The following RCSD1 variants were observed in gnomAD, a reference collection of about 807,000 sequenced individuals.
RCSD1 encodes RCSD domain containing 1, also known as capZ-interacting protein.
RCSD1 carries 26 observed loss-of-function variants against 42.5 expected under a neutral mutation model. The ratio of observed to expected loss-of-function variants is 0.61; its 90% CI spans 0.45 to 0.85. The LOEUF is 0.85. RCSD1 is among the 40% of genes least tolerant of loss of function. The pLI is 0.00. For missense variants in RCSD1, 571 were observed against 528.3 expected (o/e 1.08, Z -0.79); for synonymous variants, 220 against 212.2 (o/e 1.04, Z -0.32).
intron 6 of RCSD1, 80 bp downstream of exon 6, chr1:167,697,922 A>C: frequency 7.4e-7 from 1 of 1,351,968 alleles, no homozygotes; most frequent in Non-Finnish European, 9.5e-7. Context: ...TGTTCCGTAC[A>C]GTCCCTTCAT....
chr1:167,683,959 G>A lies in RCSD1; in HGVS notation c.66G>A (p.Gln22=), dbSNP rs556705854. 6.2e-7 allele frequency: 1 copy of A among 1,614,134 alleles called. No homozygotes were observed. Among genetic ancestry groups the A allele is most frequent in the Admixed American group, 1.7e-5 (1 of 60,028 alleles). The stretch of plus-strand genomic sequence containing the variant: ...ACTCGGCGTCCCCCTCGGTGGCCCA[G>A]CTGGCCGGGCGGTTTAGGGAGCAGG... ...VDNSASPSVA[Q]LAGRFREQAA... The change falls in exon 2 of 7, where the codon CAG becomes CAA. Residue 22 remains glutamine (Q), a synonymous_variant. Transcript: ENST00000367854.
intron 5 of RCSD1, among the ~76,000 whole-genome samples, chr1:167,694,773 C>T (rs1047318950): frequency 6.6e-6 from 1 of 152,190 alleles, no homozygotes; most frequent in Non-Finnish European, 1.5e-5. Context: ...ATCATTCTTC[C>T]TGCAGCTTGC....
intron 4 of RCSD1, among the ~76,000 whole-genome samples, chr1:167,690,437 G>C (rs1659347761): frequency 6.6e-6 from 1 of 152,178 alleles, no homozygotes; most frequent in South Asian, 2.1e-4. Flanking sequence ...ACTTTGGGAG[G>C]CTGAGGCTGG....
intron 3 of RCSD1, 109 bp from the exon 4 acceptor site, chr1:167,689,940 T>G: frequency 2.0e-6 from 2 of 1,010,094 alleles, no homozygotes; most frequent in Non-Finnish European, 3.1e-6. Flanking sequence ...AATGAGAAAG[T>G]GGCAACACCA....
intron 1 of RCSD1, among the ~76,000 whole-genome samples, chr1:167,678,699 A>T (rs1167860201): frequency 6.6e-6 from 1 of 151,946 alleles, no homozygotes; most frequent in Non-Finnish European, 1.5e-5. Flanking sequence ...AAACCCTCCA[A>T]ATGACATCCT....
intron 1 of RCSD1, among the ~76,000 whole-genome samples, chr1:167,659,844 G>A (rs570316474): frequency 2.0e-5 from 3 of 151,826 alleles, no homozygotes; most frequent in Non-Finnish European, 4.4e-5. Context: ...CCCTGAACTC[G>A]CCATGCCTCT....
intron 1 of RCSD1, chr1:167,630,753 A>AAAAAAG (rs1657677831): frequency 4.1e-6 from 1 of 245,834 alleles, no homozygotes; most frequent in Non-Finnish European, 7.5e-6. Context: ...AAAAAAAAAA[A>AAAAAAG]GTTAGGTGCA....
At chr1:167,656,918 CAG>C (rs1482931468) in intron 1 of RCSD1, among the ~76,000 whole-genome samples, 1 of 152,182 alleles carries the variant, frequency 6.6e-6, no homozygotes, top group Non-Finnish European at 1.5e-5. Context: ...ATCACTGACA[CAG>C]AGTAGAAAGA....
chr1:167,640,214 T>A (rs1190750536), intron 1 of RCSD1, among the ~76,000 whole-genome samples: 1 of 152,084 alleles, frequency 6.6e-6, no homozygotes. Context: ...CAGAAACGTC[T>A]CCTTTCATGG....
intron 1 of RCSD1, among the ~76,000 whole-genome samples, chr1:167,659,259 T>A (rs1658492004): frequency 1.3e-5 from 2 of 152,218 alleles, no homozygotes; most frequent in African/African-American, 4.8e-5. Flanking sequence ...GTTCCTGTCA[T>A]TATGCGAGAG....
intron 2 of RCSD1, among the ~76,000 whole-genome samples, chr1:167,684,690 C>G (rs964913303): frequency 6.6e-6 from 1 of 152,068 alleles, no homozygotes; most frequent in African/African-American, 2.4e-5. Flanking sequence ...GCCTGACCAA[C>G]ATGGAGAAAC....
rs116979035 is a variant in RCSD1, at chr1:167,678,324, G to A, written c.7-5576G>A. The stretch of plus-strand genomic sequence containing the variant: ...TCCTGCATTGCATCTCCACTTAGAC[G>A]TCTAATAGACATGTCAGACTTTCAT... On this transcript the variant is annotated intron_variant, in intron 1 of 6. Coordinates refer to ENST00000367854, the MANE Select transcript of RCSD1 (RefSeq NM_052862.4). Among the ~76,000 whole-genome samples the A allele has an allele frequency of 4.1e-4, 63 of 152,152 alleles. No homozygotes were observed. In the East Asian group the frequency reaches 9.5e-3, roughly 23 times the overall value.
chr1:167,693,504 G>C (rs762408696), intron 4 of RCSD1, among the ~76,000 whole-genome samples: 2 of 152,228 alleles, frequency 1.3e-5, no homozygotes, highest in South Asian at 4.1e-4. Context: ...CTGGAGCTCA[G>C]TGGCCTACTG....
At chr1:167,671,913 C>T (rs1377795371) in intron 1 of RCSD1, among the ~76,000 whole-genome samples, 1 of 152,166 alleles carries the variant, frequency 6.6e-6, no homozygotes, top group Non-Finnish European at 1.5e-5. Context: ...TGTGCAGCTC[C>T]CTCGTGAGAA....
At chr1:167,661,038 A>G (rs1446514263) in intron 1 of RCSD1, among the ~76,000 whole-genome samples, 1 of 152,264 alleles carries the variant, frequency 6.6e-6, no homozygotes, top group Non-Finnish European at 1.5e-5. Context: ...TTGACTATCA[A>G]GCATGTTCTA....
intron 6 of RCSD1, among the ~76,000 whole-genome samples, chr1:167,702,244 G>T (rs968724341): frequency 3.9e-5 from 6 of 152,160 alleles, no homozygotes; most frequent in Non-Finnish European, 7.3e-5. Context: ...ACAGGGGAAA[G>T]TTCCATAAGT....
intron 1 of RCSD1, among the ~76,000 whole-genome samples, chr1:167,677,237 A>G (rs77144154): frequency 0.085 from 12,915 of 152,270 alleles, 768 homozygotes; most frequent in Non-Finnish European, 0.13. Context: ...GGTTACCCCA[A>G]TGCATTCTAC....
intron 1 of RCSD1, among the ~76,000 whole-genome samples, chr1:167,676,260 A>C (rs181862872): frequency 6.6e-6 from 1 of 152,220 alleles, no homozygotes; most frequent in Admixed American, 6.5e-5. Context: ...GCTTCCCTTC[A>C]TAGAGCAGTG....
chr1:167,663,023 A>T (rs1373609002), intron 1 of RCSD1, among the ~76,000 whole-genome samples: 1 of 152,194 alleles, frequency 6.6e-6, no homozygotes, highest in Non-Finnish European at 1.5e-5. Flanking sequence ...CAGATGAAGC[A>T]GAAGGTCATC....
Sources: allele counts gnomAD v4.1 joint callset (sites outside exome capture counted in the v4.1 genomes callset), GRCh38; gene constraint gnomAD v4.1.1; transcripts MANE v1.5; gene names NCBI Gene and HGNC (gene_info 2026-07-23, HGNC 2026-07-21).